The following FEZ2 variants were observed in gnomAD, a reference collection of about 807,000 sequenced individuals.
FEZ2 encodes the protein fasciculation and elongation protein zeta 2.
Under a neutral mutation model 40.4 loss-of-function variants are expected in FEZ2, and 51 were observed. The ratio of observed to expected loss-of-function variants is 1.26; its 90% confidence interval spans 1.01 to 1.59. The LOEUF (loss-of-function observed/expected upper bound fraction) is 1.59. Among genes scored for constraint, FEZ2 ranks in the 40% most tolerant of loss-of-function variants. The probability of loss-of-function intolerance (pLI) is 0.00; values close to 1 mark genes in which losing one functional copy is unlikely to be tolerated. For synonymous variants in FEZ2, 242 were observed against 172.0 expected, an observed-to-expected ratio of 1.41 and a Z score of -3.18; for missense variants, 640 against 438.3, an observed-to-expected ratio of 1.46 and a Z score of -4.11.
intron 7 of FEZ2, 71 bp downstream of exon 7, chr2:36,555,612 T>A (rs1251267440): frequency 1.3e-6 from 1 of 761,604 alleles, no homozygotes; most frequent in Admixed American, 2.6e-5. Context: ...TCTAATGTAT[T>A]AGCAAGGCGA....
intron 5 of FEZ2, among the ~76,000 whole-genome samples, chr2:36,561,993 T>C (rs1454331425): frequency 6.6e-6 from 1 of 152,230 alleles, no homozygotes; most frequent in Non-Finnish European, 1.5e-5. Flanking sequence ...GTTCAGGAGT[T>C]CAAAAATGTT....
At chr2:36,575,402 T>C (rs942564168) in intron 5 of FEZ2, among the ~76,000 whole-genome samples, 1 of 151,950 alleles carries the variant, frequency 6.6e-6, no homozygotes, top group African/African-American at 2.4e-5. Flanking sequence ...TTGCCCAGTC[T>C]GGCCTCAAAC....
chr2:36,594,729 G>C (rs946120347), intron 1 of FEZ2, among the ~76,000 whole-genome samples: 2 of 152,190 alleles, frequency 1.3e-5, no homozygotes, highest in Non-Finnish European at 2.9e-5. Flanking sequence ...ATTTAAGCAG[G>C]ATACACTAGC....
In FEZ2 at chr2:36,552,925, A is replaced by G. The variant is rs1165310621; in HGVS notation, c.*238T>C. 9 of 514,806 alleles carry G rather than the reference A, an allele frequency of 1.7e-5. No individual in the cohort carries two copies. The highest frequency in any genetic ancestry group is 3.9e-5 in the African/African-American group (2 of 51,526). 31.9% of individuals were successfully genotyped at this position (514,806 alleles called of 1,614,324 possible). On this transcript the variant is annotated 3_prime_UTR_variant, in exon 8 of 8. Transcript: ENST00000405912. ...TAATATTACTCTCTCTTAATCTACT[A>G]AGAGAACAGTTTATTAGTAGATTTA... is the stretch of plus-strand genomic sequence containing the variant.
intron 6 of FEZ2, chr2:36,556,393 A>G (rs1667962575): frequency 6.4e-6 from 1 of 155,664 alleles, no homozygotes; most frequent in African/African-American, 2.4e-5. Flanking sequence ...GCCACCTAGT[A>G]TAACGTTTTT....
In FEZ2 at chr2:36,586,488, A is replaced by C. The variant is rs1327921400; in HGVS notation, c.376-3019T>G. ...CATTGCTACAAAAAATTAGCCAGGCATGATGGCACATGCCTGTAGTCCCAG... is the reference window on the plus strand; with the variant it reads ...CATTGCTACAAAAAATTAGCCAGGCCTGATGGCACATGCCTGTAGTCCCAG... On this transcript the variant is annotated intron_variant, in intron 2 of 7. Transcript: ENST00000405912. Among the ~76,000 whole-genome samples the C allele has an allele frequency of 3.9e-5, 6 of 152,130 alleles. No individual in the cohort carries two copies. The East Asian group carries it at 1.2e-3, about 29-fold the overall frequency.
intron 5 of FEZ2, among the ~76,000 whole-genome samples, chr2:36,577,230 C>CT (rs1219332833): frequency 6.6e-6 from 1 of 150,640 alleles, no homozygotes; most frequent in Non-Finnish European, 1.5e-5. Context: ...TACCTGAGAA[C>CT]TTTTTTCAAA....
chr2:36,568,074 T>G (rs561543044), intron 5 of FEZ2, among the ~76,000 whole-genome samples: 1 of 152,248 alleles, frequency 6.6e-6, no homozygotes, highest in East Asian at 1.9e-4. Flanking sequence ...TGAGAGCAGA[T>G]GCGGTATTAT....
At chr2:36,595,937 C>T (rs1669210054) in intron 1 of FEZ2, among the ~76,000 whole-genome samples, 1 of 152,198 alleles carries the variant, frequency 6.6e-6, no homozygotes, top group Admixed American at 6.5e-5. Flanking sequence ...TAACGATCTA[C>T]GTACAATCCT....
Position 36,578,862 on chromosome 2 carries a change from A to C in FEZ2, c.638T>G (p.Val213Gly). The change falls in exon 5 of 8, where the codon GTG (valine) becomes GGG (glycine). Residue 213 changes from valine to glycine, a missense_variant. Physicochemically the swap from Val to Gly is moderately radical, Grantham distance 109. Coordinates refer to ENST00000405912, the MANE Select transcript of FEZ2 (RefSeq NM_005102.3). Reference protein sequence around the residue: ...RSSTGSYEERVKRLSVSELNE... With the variant: ...RSSTGSYEERGKRLSVSELNE... ...TAACTCAGACACTGAGAGCCTTTTCACTCCTGTGACCAAAAGCAAAATACA... is the reference window on the plus strand; with the variant it reads ...TAACTCAGACACTGAGAGCCTTTTCCCTCCTGTGACCAAAAGCAAAATACA... 6.2e-7 allele frequency: 1 copy of C among 1,605,232 alleles called. No individual in the cohort carries two copies. The highest frequency in any genetic ancestry group is 8.5e-7 in the Non-Finnish European group (1 of 1,176,618).
intron 3 of FEZ2, 194 bp from the exon 4 acceptor site, chr2:36,581,625 T>C (rs765751615): frequency 5.8e-5 from 33 of 564,568 alleles, no homozygotes; most frequent in Non-Finnish European, 9.7e-5. Context: ...AAGAAAAAAT[T>C]ACAATATACT....
chr2:36,571,037 T>G (rs1668394106), intron 5 of FEZ2, among the ~76,000 whole-genome samples: 1 of 152,204 alleles, frequency 6.6e-6, no homozygotes, highest in Non-Finnish European at 1.5e-5. Context: ...GAAAGTTCAC[T>G]ATTACCAGCC....
chr2:36,586,075 T>A (rs1241601933), intron 2 of FEZ2, among the ~76,000 whole-genome samples: 4 of 151,876 alleles, frequency 2.6e-5, no homozygotes, highest in Non-Finnish European at 5.9e-5. Context: ...TTTAATTTTT[T>A]AAAGAAGGAG....
At chr2:36,577,700 G>GT (rs1345942976) in intron 5 of FEZ2, among the ~76,000 whole-genome samples, 1 of 152,188 alleles carries the variant, frequency 6.6e-6, no homozygotes, top group African/African-American at 2.4e-5. Flanking sequence ...TCCTAGAACT[G>GT]TATTTCCAGG....
At chr2:36,558,200 G>C (rs964282062) in intron 6 of FEZ2, 3 of 308,088 alleles carry the variant, frequency 9.7e-6, no homozygotes, top group East Asian at 1.0e-4. Flanking sequence ...CAAAATTTTA[G>C]CTCATAAATA....
intron 5 of FEZ2, among the ~76,000 whole-genome samples, chr2:36,562,595 T>G (rs909435876): frequency 1.3e-5 from 2 of 152,166 alleles, no homozygotes; most frequent in Non-Finnish European, 2.9e-5. Flanking sequence ...TGCTGACTAC[T>G]CTTCACTTCA....
intron 7 of FEZ2, chr2:36,554,215 T>A (rs1286079188): frequency 2.1e-6 from 1 of 471,264 alleles, no homozygotes. Context: ...ATTAGATGGG[T>A]GCTGCTTCCC....
At chr2:36,572,202 AC>A (rs1668437607) in intron 5 of FEZ2, among the ~76,000 whole-genome samples, 1 of 152,010 alleles carries the variant, frequency 6.6e-6, no homozygotes, top group Non-Finnish European at 1.5e-5. Context: ...TTACCTAGCC[AC>A]CGGGATTCAG....
rs1372992274 is a variant in FEZ2, at chr2:36,598,023, C to G, written c.120G>C (p.Ala40=). The part of the protein sequence containing the change: ...PEPGAEAGAE[A]GGGADGFPAP... Reference sequence around the variant, plus strand: ...CCGGGAAACCGTCGGCGCCCCCACCCGCCTCGGCCCCCGCCTCCGCCCCAG... The same window carrying G: ...CCGGGAAACCGTCGGCGCCCCCACCGGCCTCGGCCCCCGCCTCCGCCCCAG... Residue 40 remains alanine, a synonymous_variant, in exon 1 of 8, where the codon GCG becomes GCC. Coordinates refer to ENST00000405912, the MANE Select transcript of FEZ2 (RefSeq NM_005102.3). 6.7e-7 allele frequency: 1 copy of G among 1,484,568 alleles called. No individual in the cohort carries two copies. Among genetic ancestry groups the G allele is most frequent in the Non-Finnish European group, 8.9e-7 (1 of 1,117,512 alleles). 92.0% of individuals were successfully genotyped at this position (1,484,568 alleles called of 1,614,324 possible). A position where few individuals can be genotyped will look rare whatever the true frequency, so the allele number is the denominator to read the frequency against.
Sources: gnomAD v4.1 joint callset for allele counts (sites outside exome capture counted in the v4.1 genomes callset) on GRCh38, gnomAD v4.1.1 for gene constraint, MANE v1.5 for transcripts, NCBI Gene and HGNC (gene_info 2026-07-23, HGNC 2026-07-21) for gene names.